Variants in STAM2 observed in about 807,000 individuals in gnomAD.
The protein encoded by STAM2 is signal transducing adaptor molecule 2, also known as signal transducing adapter molecule 2.
In STAM2, 51 loss-of-function variants were observed where a neutral mutation model predicts 65.6. The ratio of observed to expected loss-of-function variants is 0.78; its 90% CI spans 0.62 to 0.98. The LOEUF (loss-of-function observed/expected upper bound fraction) is 0.98. Among genes scored for constraint, STAM2 ranks in the 50% least tolerant of loss-of-function variants. The pLI, the probability that STAM2 is intolerant of heterozygous loss-of-function variation, is 0.00. For synonymous variants in STAM2, 198 were observed against 208.4 expected, an observed-to-expected ratio of 0.95 and a Z score of 0.43; for missense variants, 584 against 617.8, an observed-to-expected ratio of 0.95 and a Z score of 0.58.
At chr2:152,151,195 T>C (rs1033473397) in intron 1 of STAM2, among the ~76,000 whole-genome samples, 51 of 151,160 alleles carry the variant, frequency 3.4e-4, no homozygotes, top group African/African-American at 1.1e-3. Context: ...TTTTTTTTTT[T>C]TCGACAGTGT....
At chr2:152,148,663 TAAAG>T (rs1227511392) in intron 2 of STAM2, among the ~76,000 whole-genome samples, 2 of 151,768 alleles carry the variant, frequency 1.3e-5, no homozygotes, top group East Asian at 3.9e-4. Flanking sequence ...TGTCTCAAAA[TAAAG>T]AAAGTATAAA....
intron 11 of STAM2, among the ~76,000 whole-genome samples, chr2:152,128,686 T>A (rs183249552): frequency 4.5e-4 from 68 of 152,132 alleles, no homozygotes; most frequent in African/African-American, 1.6e-3. Context: ...GGAAATAAGA[T>A]TAGAATAGTC....
chr2:152,127,800 T>G (rs1688987691), intron 11 of STAM2, among the ~76,000 whole-genome samples: 1 of 152,236 alleles, frequency 6.6e-6, no homozygotes, highest in Non-Finnish European at 1.5e-5. Flanking sequence ...TCTTTCTACT[T>G]GATAGTTCCC....
Position 152,120,646 on chromosome 2 carries a change from G to C in STAM2, c.1506C>G (p.Gly502=). ...GATGAGCTGGAACTGTCACCGGAAA[G>C]CCTGCCAGTTGAGGCAAATTGGAAG... The part of the protein sequence containing the change: ...NTTSNLPQLA[G]FPVTVPAHPV... The change falls in exon 14 of 14, where the codon GGC becomes GGG. Residue 502 remains glycine (G), a synonymous_variant. Coordinates refer to ENST00000263904, the MANE Select transcript of STAM2 (RefSeq NM_005843.6). The C allele has an allele frequency of 2.5e-6, 4 of 1,614,136 alleles. No individual in the cohort carries two copies. In the South Asian group the frequency reaches 4.4e-5, roughly 18 times the overall value.
intron 4 of STAM2, 25 bp from the exon 5 acceptor site, chr2:152,147,333 TAAAC>T (rs1689353497): frequency 6.6e-6 from 10 of 1,516,108 alleles, no homozygotes; most frequent in African/African-American, 1.4e-5. Flanking sequence ...GAAAGGAAAA[TAAAC>T]AAAAATCTAC....
rs1453123802 is a variant in STAM2, at chr2:152,123,139, C to T, written c.1349+627G>A. ...ATCCCAGCACTTTGGGAGGCTGAGG[C>T]GGGTGGAACATCACGAGGTCAGGAG... On this transcript the variant is annotated intron_variant, in intron 13 of 13. Transcript: ENST00000263904. Among the ~76,000 whole-genome samples, 3 of 151,462 alleles carry T rather than the reference C, an allele frequency of 2.0e-5. No individual in the cohort carries two copies. In the East Asian group the frequency reaches 5.8e-4, roughly 29 times the overall value.
intron 1 of STAM2, among the ~76,000 whole-genome samples, chr2:152,165,451 G>A (rs532414633): frequency 2.0e-4 from 31 of 152,000 alleles, no homozygotes; most frequent in African/African-American, 7.5e-4. Flanking sequence ...AGTCTCCAAG[G>A]CAGCCACTAA....
At chr2:152,168,756 CA>C (rs1342387783) in intron 1 of STAM2, among the ~76,000 whole-genome samples, 3 of 152,228 alleles carry the variant, frequency 2.0e-5, no homozygotes, top group Non-Finnish European at 4.4e-5. Flanking sequence ...TGATTTTAAC[CA>C]ATCTGTCATA....
chr2:152,127,782 G>A (rs1463826555), intron 11 of STAM2, among the ~76,000 whole-genome samples: 19 of 152,134 alleles, frequency 1.2e-4, no homozygotes, highest in Admixed American at 1.2e-3. Context: ...AGAAGCTTCA[G>A]AGCAAACTCT....
At chr2:152,123,327 T>C (rs1170247770) in intron 13 of STAM2, among the ~76,000 whole-genome samples, 1 of 150,246 alleles carries the variant, frequency 6.7e-6, no homozygotes. Flanking sequence ...AGCAGAGATC[T>C]AGCCACTGCA....
rs1338413829 is a variant in STAM2 at position 152,171,914 on chromosome 2, C to A, written c.40+3689G>T. Among the ~76,000 whole-genome samples the A allele has an allele frequency of 2.0e-5, 3 of 152,186 alleles. No individual in the cohort carries two copies. The East Asian group carries it at 5.8e-4, about 29-fold the overall frequency. The stretch of plus-strand genomic sequence containing the variant: ...GGGAAAAAAGATATGCAAACAAGAA[C>A]CGGAGTTAAGGCTTAGAACAGACAA... On this transcript the variant is annotated intron_variant, in intron 1 of 13. Coordinates refer to ENST00000263904, the MANE Select transcript of STAM2 (RefSeq NM_005843.6).
intron 5 of STAM2, 68 bp from the exon 6 acceptor site, chr2:152,145,025 G>C: frequency 2.4e-6 from 3 of 1,237,312 alleles, no homozygotes; most frequent in South Asian, 1.2e-5. Context: ...ATAATTACTT[G>C]CAGATGGTAA....
At chr2:152,154,711 C>T (rs919718424) in intron 1 of STAM2, among the ~76,000 whole-genome samples, 1 of 152,170 alleles carries the variant, frequency 6.6e-6, no homozygotes, top group African/African-American at 2.4e-5. Flanking sequence ...AAAAAATATT[C>T]CCCACTAACA....
At chr2:152,163,739 C>T (rs558154470) in intron 1 of STAM2, among the ~76,000 whole-genome samples, 1 of 152,082 alleles carries the variant, frequency 6.6e-6, no homozygotes, top group Non-Finnish European at 1.5e-5. Flanking sequence ...AAAAGAATTG[C>T]ATTCCTGGGA....
At chr2:152,148,184 A>G in intron 3 of STAM2, 41 bp downstream of exon 3, 2 of 1,594,872 alleles carry the variant, frequency 1.3e-6, no homozygotes, top group Non-Finnish European at 1.7e-6. Context: ...TTAAAAACAC[A>G]TTTAAAATTT....
Position 152,175,722 on chromosome 2 carries a change from G to T in STAM2, c.-80C>A. Reference sequence around the variant, plus strand: ...TACCCGCCGGGTGACCCGCGGCCGCGGCTCCCTAGACCGCTCCGCTTCGGC... The same window carrying T: ...TACCCGCCGGGTGACCCGCGGCCGCTGCTCCCTAGACCGCTCCGCTTCGGC... On this transcript the variant is annotated 5_prime_UTR_variant, in exon 1 of 14. Transcript: ENST00000263904. The T allele has an allele frequency of 6.7e-7, 1 of 1,498,906 alleles. No homozygotes were observed. Among genetic ancestry groups the T allele is most frequent in the Non-Finnish European group, 9.1e-7 (1 of 1,101,456 alleles). The allele number at this position is 1,498,906 out of a possible 1,614,324, so 92.9% of individuals were successfully genotyped here.
chr2:152,170,900 G>A (rs1352448352), intron 1 of STAM2, among the ~76,000 whole-genome samples: 2 of 152,104 alleles, frequency 1.3e-5, no homozygotes, highest in Admixed American at 6.5e-5. Flanking sequence ...GGAGGCTGAG[G>A]CACAAGAATT....
At chr2:152,172,790 G>A (rs540151032) in intron 1 of STAM2, among the ~76,000 whole-genome samples, 61 of 150,762 alleles carry the variant, frequency 4.0e-4, no homozygotes, top group African/African-American at 1.3e-3. Context: ...AAAATCACTT[G>A]AACCCGGGAG....
At chr2:152,122,622 A>G (rs1688875837) in intron 13 of STAM2, among the ~76,000 whole-genome samples, 1 of 152,136 alleles carries the variant, frequency 6.6e-6, no homozygotes, top group Non-Finnish European at 1.5e-5. Flanking sequence ...AATATCTAAA[A>G]TTCATACTCA....
Sources: gnomAD v4.1 joint callset for allele counts (sites outside exome capture counted in the v4.1 genomes callset) on GRCh38, gnomAD v4.1.1 for gene constraint, MANE v1.5 for transcripts, NCBI Gene and HGNC (gene_info 2026-07-23, HGNC 2026-07-21) for gene names.